TTC6: variants seen among roughly 807,000 people sequenced by gnomAD.
TTC6 encodes the protein tetratricopeptide repeat domain 6.
A neutral mutation model predicts 210.4 loss-of-function variants in TTC6; 172 were observed. That is an observed-to-expected ratio of 0.82 (90% confidence interval 0.72 to 0.93). TTC6 has a LOEUF of 0.93. Among genes scored for constraint, TTC6 ranks in the 40% least tolerant of loss-of-function variants. TTC6 has a pLI of 0.00. For missense variants in TTC6, 2,414 were observed against 2,318.1 expected, an observed-to-expected ratio of 1.04 and a Z score of -0.85; for synonymous variants, 804 against 819.6, an observed-to-expected ratio of 0.98 and a Z score of 0.32.
chr14:37,631,984 C>G (rs2095670831), intron 1 of TTC6, among the ~76,000 whole-genome samples: 1 of 152,124 alleles, frequency 6.6e-6, no homozygotes, highest in Non-Finnish European at 1.5e-5. Context: ...ATGTTCTTCT[C>G]TAAACTGGTT....
chr14:37,792,776 T>TTGTGTGTGTG (rs34766491), intron 17 of TTC6, among the ~76,000 whole-genome samples: 45 of 140,110 alleles, frequency 3.2e-4, no homozygotes, highest in African/African-American at 1.1e-3. Flanking sequence ...TGGTCCAATG[T>TTGTGTGTGTG]TGTGTGTGTG....
chr14:37,804,747 C>T (rs756348869), exon 21 of TTC6: 1 of 1,614,118 alleles, frequency 6.2e-7, no homozygotes, highest in Admixed American at 1.7e-5. Context: ...CCAGATGCCA[C>T]AGCAATTTCA....
intron 1 of TTC6, among the ~76,000 whole-genome samples, chr14:37,605,476 AG>A (rs1290706076): frequency 1.0e-3 from 149 of 142,980 alleles, no homozygotes; most frequent in African/African-American, 1.4e-3. Flanking sequence ...TGGGTGAGTG[AG>A]TATGGGGGAA....
At chr14:37,667,427 G>A (rs1330073924) in intron 1 of TTC6, among the ~76,000 whole-genome samples, 1 of 150,288 alleles carries the variant, frequency 6.7e-6, no homozygotes, top group African/African-American at 2.4e-5. Context: ...GAAGACCAAG[G>A]TTTTCGTATG....
chr14:37,602,763 C>T (rs1247701977), intron 1 of TTC6, among the ~76,000 whole-genome samples: 2 of 152,244 alleles, frequency 1.3e-5, no homozygotes, highest in South Asian at 2.1e-4. Context: ...GAGAGGGGGT[C>T]GGAACTTGGA....
rs368410870 is a variant in TTC6 at position 37,605,211 on chromosome 14, C to T, written c.-234-1452C>T. Among the ~76,000 whole-genome samples the T allele has an allele frequency of 9.8e-4, 149 of 152,146 alleles. No individual in the cohort carries two copies. In the Middle Eastern group the frequency reaches 0.017, roughly 17 times the overall value. On this transcript the variant is annotated intron_variant, in intron 1 of 2. Transcript: ENST00000556845. The stretch of plus-strand genomic sequence containing the variant: ...AGTGAAGACCAGAAATTGATTAAAC[C>T]CTCCTATTGATGAAGTTTGGAAGGG...
chr14:37,770,993 G>C (rs2139180169), intron 14 of TTC6, among the ~76,000 whole-genome samples: 1 of 123,692 alleles, frequency 8.1e-6, no homozygotes, highest in South Asian at 3.2e-4. Context: ...TTTTAGGGCA[G>C]GCCTGGTGGT....
intron 1 of TTC6, among the ~76,000 whole-genome samples, chr14:37,623,210 C>A (rs456510): frequency 0.2 from 31,146 of 151,942 alleles, 3,428 homozygotes; most frequent in South Asian, 0.26. Flanking sequence ...ATCCTCTTTT[C>A]AAAGTGAAGG....
chr14:37,767,860 C>G (rs76855875), intron 14 of TTC6, among the ~76,000 whole-genome samples: 55,494 of 142,198 alleles, frequency 0.39, 12,018 homozygotes, highest in Non-Finnish European at 0.49. Context: ...GTGTTTTAGA[C>G]ATGAAGTCCT....
chr14:37,821,017 TTCTTCC>T (rs1380913535), intron 26 of TTC6, among the ~76,000 whole-genome samples: 32 of 53,276 alleles, frequency 6.0e-4, no homozygotes, highest in African/African-American at 1.6e-3. Flanking sequence ...CTTCTTCTTC[TTCTTCC>T]TCTTCTTCTT....
At chr14:37,791,423 A>T (rs2096079023) in intron 16 of TTC6, among the ~76,000 whole-genome samples, 1 of 151,996 alleles carries the variant, frequency 6.6e-6, no homozygotes, top group African/African-American at 2.4e-5. Flanking sequence ...TTTTTTCCAA[A>T]GAAGGATTTA....
intron 19 of TTC6, 40 bp from the exon 22 acceptor site, chr14:37,796,747 T>A (rs764390573): frequency 6.4e-7 from 1 of 1,564,176 alleles, no homozygotes; most frequent in Admixed American, 1.9e-5. Flanking sequence ...AAATCATTGA[T>A]ACTTGGCAAA....
rs999962038 is a variant in TTC6 at position 37,720,776 on chromosome 14, A to C, written c.1714-4122A>C. On this transcript the variant is annotated intron_variant, in intron 6 of 30. Transcript: ENST00000553443. ...GTAATTTCATTATATAACTTCCTCG[A>C]AATGACAAAATTATACAAATAAAGA... 5.9e-5 allele frequency among the ~76,000 whole-genome samples: 9 copies of C among 152,304 alleles called. No individual in the cohort carries two copies. The South Asian group carries it at 1.9e-3, about 32-fold the overall frequency.
chr14:37,720,447 C>T (rs1227910325), intron 6 of TTC6: 1 of 151,298 alleles, frequency 6.6e-6, no homozygotes, highest in Non-Finnish European at 1.5e-5. Flanking sequence ...TAATAGAAGC[C>T]AAACTCTCTG....
At chr14:37,794,003 C>A (rs2096086475) in intron 17 of TTC6, among the ~76,000 whole-genome samples, 2 of 152,098 alleles carry the variant, frequency 1.3e-5, no homozygotes, top group African/African-American at 4.8e-5. Flanking sequence ...TATATACTCC[C>A]ATTATGTGGG....
intron 27 of TTC6, 96 bp from the exon 30 acceptor site, chr14:37,826,099 C>A (rs2096170604): frequency 3.2e-6 from 4 of 1,258,690 alleles, no homozygotes; most frequent in Non-Finnish European, 4.3e-6. Flanking sequence ...CATAAATATA[C>A]CCTTACTAAA....
intron 3 of TTC6, among the ~76,000 whole-genome samples, chr14:37,687,758 C>T (rs1486028962): frequency 6.6e-6 from 1 of 152,064 alleles, no homozygotes; most frequent in African/African-American, 2.4e-5. Flanking sequence ...AGATTCATCA[C>T]CTCCTAACTG....
intron 10 of TTC6, among the ~76,000 whole-genome samples, chr14:37,742,475 T>C (rs992967168): frequency 6.6e-6 from 1 of 152,102 alleles, no homozygotes; most frequent in Non-Finnish European, 1.5e-5. Flanking sequence ...AATGGTGTGA[T>C]CTTGGCTCAC....
At chr14:37,608,119 C>T (rs1441483018) in intron 2 of TTC6, among the ~76,000 whole-genome samples, 8 of 152,178 alleles carry the variant, frequency 5.3e-5, no homozygotes, top group Non-Finnish European at 8.8e-5. Flanking sequence ...GTCTACTTCT[C>T]ATCTACAGAA....
Sources: gnomAD v4.1 joint callset for allele counts (sites outside exome capture counted in the v4.1 genomes callset) on GRCh38, gnomAD v4.1.1 for gene constraint, MANE v1.5 for transcripts, NCBI Gene and HGNC (gene_info 2026-07-23, HGNC 2026-07-21) for gene names.